The following ARRB1 variants were observed in gnomAD, a reference collection of about 807,000 sequenced individuals.
ARRB1 encodes the protein arrestin beta 1.
A neutral mutation model predicts 56.8 loss-of-function variants in ARRB1; 21 were observed. The ratio of observed to expected loss-of-function variants is 0.37; its 90% CI spans 0.26 to 0.53. The LOEUF (loss-of-function observed/expected upper bound fraction) is 0.53. ARRB1 is among the 20% of genes least tolerant of loss of function. ARRB1 has a pLI of 0.88. For missense variants in ARRB1, 424 were observed against 553.7 expected, an observed-to-expected ratio of 0.77 and a Z score of 2.35; for synonymous variants, 210 against 218.6, an observed-to-expected ratio of 0.96 and a Z score of 0.35.
chr11:75,350,329 G>C lies in ARRB1; in HGVS notation c.20+1259C>G, dbSNP rs1207725895. Among the ~76,000 whole-genome samples the C allele has an allele frequency of 2.0e-5, 3 of 152,296 alleles. No homozygotes were observed. In the East Asian group the frequency reaches 5.8e-4, roughly 29 times the overall value. On this transcript the variant is annotated intron_variant, in intron 1 of 15. Transcript: ENST00000420843. ...TCCCCCACACTACGCCTAGTATACA[G>C]CAAGAGCTTAATAATAAATGGAAAC...
At chr11:75,306,576 A>G (rs2140473803) in intron 1 of ARRB1, 1 of 1,286,766 alleles carries the variant, frequency 7.8e-7, no homozygotes, top group Non-Finnish European at 1.0e-6. Flanking sequence ...TGAGAGCCCA[A>G]AGATTCAGTG....
chr11:75,303,288 C>T (rs1053434736), intron 1 of ARRB1, among the ~76,000 whole-genome samples: 2 of 152,186 alleles, frequency 1.3e-5, no homozygotes, highest in African/African-American at 4.8e-5. Context: ...AGGTGTGAGC[C>T]ACTGTGCCCC....
In ARRB1 at chr11:75,261,397, T is replaced by C. The variant is rs1945787658; in HGVS notation, c.*4766A>G. On this transcript the variant is annotated 3_prime_UTR_variant, in exon 16 of 16. Transcript: ENST00000420843. ...CTTCAAAGAAAGCTTGAAAATGAAATCTCAGTAGGCAAGACAGATAAAAGC... is the reference window on the plus strand; with the variant it reads ...CTTCAAAGAAAGCTTGAAAATGAAACCTCAGTAGGCAAGACAGATAAAAGC... 6.6e-6 allele frequency: 1 copy of C among 151,928 alleles called. No individual in the cohort carries two copies. The highest frequency in any genetic ancestry group is 2.1e-4 in the South Asian group (1 of 4,820). The allele number at this position is 151,928 out of a possible 1,614,324, so 9.4% of individuals were successfully genotyped here.
intron 1 of ARRB1, among the ~76,000 whole-genome samples, chr11:75,292,926 G>C (rs959332044): frequency 6.6e-6 from 1 of 152,158 alleles, no homozygotes; most frequent in African/African-American, 2.4e-5. Context: ...CCAGGGGCTC[G>C]GTCAGGATTC....
chr11:75,277,026 G>T, intron 9 of ARRB1, 115 bp from the exon 10 acceptor site: 2 of 1,017,676 alleles, frequency 2.0e-6, no homozygotes, highest in Non-Finnish European at 3.0e-6. Flanking sequence ...GAGGCCACCA[G>T]TGGGGACTTC....
chr11:75,268,233 G>A (rs1343591034), intron 14 of ARRB1, among the ~76,000 whole-genome samples: 1 of 152,124 alleles, frequency 6.6e-6, no homozygotes, highest in Non-Finnish European at 1.5e-5. Context: ...GGCCAGGCAT[G>A]GTAGCTCATG....
chr11:75,280,282 C>T (rs1946296823), intron 7 of ARRB1, among the ~76,000 whole-genome samples: 1 of 152,324 alleles, frequency 6.6e-6, no homozygotes, highest in African/African-American at 2.4e-5. Flanking sequence ...CATCTCCTCA[C>T]ACACAGCTGC....
chr11:75,263,029 C>T lies in ARRB1; in HGVS notation c.*3134G>A, dbSNP rs1565575667. Among the ~76,000 whole-genome samples, 2 of 152,208 alleles carry T rather than the reference C, an allele frequency of 1.3e-5. No individual in the cohort carries two copies. The highest frequency in any genetic ancestry group is 2.9e-5 in the Non-Finnish European group (2 of 68,036). On this transcript the variant is annotated 3_prime_UTR_variant, in exon 16 of 16. Transcript: ENST00000420843. ...ACCGGGGCATGCTTTTCCTTCCTGCCCGGACCGGTGTCCACACGCCACCCA... is the reference window on the plus strand; with the variant it reads ...ACCGGGGCATGCTTTTCCTTCCTGCTCGGACCGGTGTCCACACGCCACCCA...
At chr11:75,318,000 C>T (rs756545258) in intron 1 of ARRB1, among the ~76,000 whole-genome samples, 23 of 152,206 alleles carry the variant, frequency 1.5e-4, no homozygotes, top group South Asian at 2.1e-4. Context: ...CCCACCGAGA[C>T]GCTTAGGTCC....
chr11:75,275,601 T>C (rs1946184575), intron 10 of ARRB1, among the ~76,000 whole-genome samples: 1 of 152,234 alleles, frequency 6.6e-6, no homozygotes, highest in South Asian at 2.1e-4. Flanking sequence ...GTCCAATTTT[T>C]ACTTGCTTTT....
At chr11:75,282,196 A>G in intron 5 of ARRB1, 175 bp from the exon 6 acceptor site, 1 of 602,984 alleles carries the variant, frequency 1.7e-6, no homozygotes, top group Non-Finnish European at 2.9e-6. Context: ...TTAGATAAAG[A>G]GCTTTCTTTA....
intron 1 of ARRB1, among the ~76,000 whole-genome samples, chr11:75,295,143 A>G (rs1946703017): frequency 6.7e-6 from 1 of 149,446 alleles, no homozygotes; most frequent in African/African-American, 2.5e-5. Flanking sequence ...GATCACTTGA[A>G]CCTAGGAGGT....
At chr11:75,330,379 C>T (rs1399973477) in intron 1 of ARRB1, among the ~76,000 whole-genome samples, 2 of 152,066 alleles carry the variant, frequency 1.3e-5, no homozygotes, top group Non-Finnish European at 2.9e-5. Flanking sequence ...CCCATAACAC[C>T]CCACACCACC....
chr11:75,323,319 T>A (rs1040860541), intron 1 of ARRB1, among the ~76,000 whole-genome samples: 5 of 152,204 alleles, frequency 3.3e-5, no homozygotes, highest in Non-Finnish European at 5.9e-5. Context: ...ACAACCCTCA[T>A]TGAAATGTAC....
intron 7 of ARRB1, among the ~76,000 whole-genome samples, chr11:75,279,784 C>T (rs1014259692): frequency 6.6e-6 from 1 of 152,204 alleles, no homozygotes; most frequent in Non-Finnish European, 1.5e-5. Context: ...TCTCCTGCCT[C>T]GGCCTTCTGA....
intron 1 of ARRB1, among the ~76,000 whole-genome samples, chr11:75,300,062 G>A (rs1050010062): frequency 1.3e-4 from 19 of 151,778 alleles, no homozygotes; most frequent in Non-Finnish European, 2.5e-4. Context: ...AAAATTAGCC[G>A]GGTGTGGTGG....
At chr11:75,285,559 G>A (rs1300523924) in intron 3 of ARRB1, among the ~76,000 whole-genome samples, 3 of 152,218 alleles carry the variant, frequency 2.0e-5, no homozygotes, top group Admixed American at 2.0e-4. Flanking sequence ...GGACTTGTGT[G>A]CAGGTTTGGT....
chr11:75,287,640 C>T (rs1946512568), intron 2 of ARRB1, among the ~76,000 whole-genome samples: 1 of 152,184 alleles, frequency 6.6e-6, no homozygotes, highest in Non-Finnish European at 1.5e-5. Context: ...CACTGAGGCC[C>T]GGAGAGATCT....
intron 1 of ARRB1, among the ~76,000 whole-genome samples, chr11:75,310,307 C>A (rs1681556808): frequency 6.6e-6 from 1 of 152,140 alleles, no homozygotes; most frequent in African/African-American, 2.4e-5. Context: ...TGGCATGTAA[C>A]CTGGGTTCAA....
Sources: gnomAD v4.1 joint callset for allele counts (sites outside exome capture counted in the v4.1 genomes callset) on GRCh38, gnomAD v4.1.1 for gene constraint, MANE v1.5 for transcripts, NCBI Gene and HGNC (gene_info 2026-07-23, HGNC 2026-07-21) for gene names.